Variants in CNTRL observed in about 807,000 individuals in gnomAD.
The protein encoded by CNTRL is 110 kDa centrosomal protein.
CNTRL carries 233 observed loss-of-function variants against 303.7 expected under a neutral mutation model. The ratio of observed to expected loss-of-function variants is 0.77; its 90% CI spans 0.69 to 0.86. The LOEUF (loss-of-function observed/expected upper bound fraction) is 0.86, where lower values mean the gene tolerates loss of function less well. CNTRL is among the 40% of genes least tolerant of loss of function. The pLI is 0.00. For synonymous variants in CNTRL, 900 were observed against 922.2 expected (o/e 0.98, Z 0.44); for missense variants, 2,524 against 2,650.6 (o/e 0.95, Z 1.05).
intron 32 of CNTRL, 132 bp downstream of exon 32, chr9:121,160,434 G>C (rs1040563589): frequency 3.8e-6 from 2 of 528,574 alleles, no homozygotes; most frequent in African/African-American, 4.6e-5. Context: ...AAGCAAGCAG[G>C]TTATAAAAGG....
chr9:121,126,487 G>C (rs1487464326), intron 14 of CNTRL, among the ~76,000 whole-genome samples: 1 of 152,046 alleles, frequency 6.6e-6, no homozygotes, highest in Non-Finnish European at 1.5e-5. Flanking sequence ...AGTAGAGCTG[G>C]CTCCAGAAAT....
chr9:121,138,520 A>G, intron 15 of CNTRL, 25 bp from the exon 16 acceptor site: 2 of 1,605,564 alleles, frequency 1.2e-6, no homozygotes, highest in Non-Finnish European at 8.5e-7. Flanking sequence ...TTACACTTTC[A>G]TGTCATTGCT....
chr9:121,133,032 G>A (rs529858821), intron 14 of CNTRL, among the ~76,000 whole-genome samples: 1 of 152,122 alleles, frequency 6.6e-6, no homozygotes, highest in Non-Finnish European at 1.5e-5. Flanking sequence ...AGGGGCACCC[G>A]CCTGTATGAT....
chr9:121,117,510 A>G (rs2050032539), intron 11 of CNTRL, among the ~76,000 whole-genome samples: 1 of 152,202 alleles, frequency 6.6e-6, no homozygotes, highest in South Asian at 2.1e-4. Flanking sequence ...AAAACTAATT[A>G]GGTAACTGTA....
At position 121,177,214 on chromosome 9, in the gene CNTRL, A is replaced by G. The variant is rs767652609; in HGVS notation, c.*28A>G. 2.5e-6 allele frequency: 4 copies of G among 1,588,360 alleles called. No homozygotes were observed. The Admixed American group carries it at 6.8e-5, about 27-fold the overall frequency. ...AATACTGTCTTGTGTAAATATATTCAAGGAAAACACCTCCACTACCTCACT... is the reference window on the plus strand; with the variant it reads ...AATACTGTCTTGTGTAAATATATTCGAGGAAAACACCTCCACTACCTCACT... On this transcript the variant is annotated 3_prime_UTR_variant, in exon 44 of 44. Transcript: ENST00000373855.
intron 8 of CNTRL, among the ~76,000 whole-genome samples, chr9:121,109,794 A>G (rs949679854): frequency 3.3e-5 from 5 of 152,150 alleles, no homozygotes; most frequent in Admixed American, 1.3e-4. Flanking sequence ...TACATATGGT[A>G]GAAAAAAATG....
intron 5 of CNTRL, among the ~76,000 whole-genome samples, chr9:121,095,469 A>G (rs1260858828): frequency 6.6e-6 from 1 of 152,208 alleles, no homozygotes; most frequent in Non-Finnish European, 1.5e-5. Flanking sequence ...AATTCATAAT[A>G]TATATTACTG....
At chr9:121,112,341 A>G in intron 8 of CNTRL, 118 bp from the exon 9 acceptor site, 1 of 691,282 alleles carries the variant, frequency 1.4e-6, no homozygotes, top group Non-Finnish European at 2.3e-6. Context: ...TGTGCAGCTT[A>G]CTGTGAAGTT....
chr9:121,088,134 G>T (rs1378558574), intron 2 of CNTRL, among the ~76,000 whole-genome samples, 162 bp from the exon 3 acceptor site: 1 of 152,180 alleles, frequency 6.6e-6, no homozygotes, highest in Non-Finnish European at 1.5e-5. Context: ...AAGGTCATCA[G>T]TGATGTTTGA....
intron 14 of CNTRL, among the ~76,000 whole-genome samples, chr9:121,131,366 A>G (rs933611899): frequency 3.3e-5 from 5 of 152,120 alleles, no homozygotes; most frequent in Admixed American, 6.5e-5. Flanking sequence ...TGTTGAATTG[A>G]TCCCTTCACC....
chr9:121,107,982 C>CA lies in CNTRL; in HGVS notation c.995dup (p.Asn332LysfsTer2). The CA allele has an allele frequency of 6.4e-7, 1 of 1,573,184 alleles. No individual in the cohort carries two copies. Among genetic ancestry groups the CA allele is most frequent in the Non-Finnish European group, 8.6e-7 (1 of 1,165,720 alleles). ...GAGGAACTCAAGAGTGACTTAAACACAAAAAATGAATTGGTAAGTTCATAT... is the reference window on the plus strand; with the variant it reads ...GAGGAACTCAAGAGTGACTTAAACACAAAAAAATGAATTGGTAAGTTCATAT... On this transcript the variant is annotated frameshift_variant, in exon 8 of 44. Coordinates refer to ENST00000373855, the MANE Select transcript of CNTRL (RefSeq NM_007018.6). LOFTEE classifies it high-confidence loss of function.
chr9:121,129,294 G>A (rs2050718574), intron 14 of CNTRL, among the ~76,000 whole-genome samples: 2 of 152,146 alleles, frequency 1.3e-5, no homozygotes, highest in African/African-American at 4.8e-5. Flanking sequence ...TCTTCCATTT[G>A]TTTGTGTCCT....
At chr9:121,118,763 T>C (rs889556453) in intron 12 of CNTRL, among the ~76,000 whole-genome samples, 1 of 152,216 alleles carries the variant, frequency 6.6e-6, no homozygotes, top group African/African-American at 2.4e-5. Flanking sequence ...TGGTTGTGTC[T>C]GTACTGAACA....
At chr9:121,093,394 A>G (rs1035120394) in intron 4 of CNTRL, among the ~76,000 whole-genome samples, 1 of 152,212 alleles carries the variant, frequency 6.6e-6, no homozygotes, top group South Asian at 2.1e-4. Flanking sequence ...GAAAATGCTC[A>G]TTTGAGCATT....
At chr9:121,079,579 A>AT (rs1279672079) in intron 1 of CNTRL, among the ~76,000 whole-genome samples, 1 of 151,802 alleles carries the variant, frequency 6.6e-6, no homozygotes, top group Non-Finnish European at 1.5e-5. Flanking sequence ...TGGATTTTGG[A>AT]TTTTTTCGGA....
chr9:121,131,606 T>G (rs1413810259), intron 14 of CNTRL, among the ~76,000 whole-genome samples: 1 of 152,268 alleles, frequency 6.6e-6, no homozygotes, highest in Non-Finnish European at 1.5e-5. Flanking sequence ...CTGTGTCTTT[T>G]AATTGGGGGC....
At chr9:121,156,880 T>C (rs1269684076) in intron 27 of CNTRL, among the ~76,000 whole-genome samples, 1 of 152,220 alleles carries the variant, frequency 6.6e-6, no homozygotes, top group African/African-American at 2.4e-5. Context: ...TTACTTCGCT[T>C]GATAATAACT....
Position 121,102,176 on chromosome 9 carries a change from G to T in CNTRL, c.808+3604G>T, listed in dbSNP as rs376630850. On this transcript the variant is annotated intron_variant, in intron 7 of 43. Transcript: ENST00000373855. ...ATAAAATACTGGCAAACCGAATCCA[G>T]CAGCACATCAAAAAGCTTATCCACC... Among the ~76,000 whole-genome samples, 5 of 152,298 alleles carry T rather than the reference G, an allele frequency of 3.3e-5. No homozygotes were observed. The East Asian group carries it at 9.6e-4, about 29-fold the overall frequency.
chr9:121,157,314 T>C (rs1253046503), intron 27 of CNTRL, among the ~76,000 whole-genome samples, 156 bp from the exon 28 acceptor site: 1 of 152,252 alleles, frequency 6.6e-6, no homozygotes, highest in Non-Finnish European at 1.5e-5. Flanking sequence ...TCTTTGCTTC[T>C]GAATTATTTA....
Sources: gnomAD v4.1 joint callset for allele counts (sites outside exome capture counted in the v4.1 genomes callset) on GRCh38, gnomAD v4.1.1 for gene constraint, MANE v1.5 for transcripts, NCBI Gene and HGNC (gene_info 2026-07-23, HGNC 2026-07-21) for gene names.